The following HTR4 variants were observed in gnomAD, a reference collection of about 807,000 sequenced individuals.
HTR4 encodes 5-hydroxytryptamine (serotonin) receptor 4, G protein-coupled.
HTR4 carries 16 observed loss-of-function variants against 36.8 expected under a neutral mutation model. That is an observed-to-expected ratio of 0.43 (90% CI 0.29 to 0.66). HTR4 has a LOEUF of 0.66. HTR4 is among the 30% of genes least tolerant of loss of function. HTR4 has a pLI of 0.13. For missense variants in HTR4, 438 were observed against 490.9 expected, an observed-to-expected ratio of 0.89 and a Z score of 1.02; for synonymous variants, 189 against 185.1, an observed-to-expected ratio of 1.02 and a Z score of -0.17.
At chr5:148,530,189 G>A (rs186509232) in intron 4 of HTR4, among the ~76,000 whole-genome samples, 100 of 152,292 alleles carry the variant, frequency 6.6e-4, no homozygotes, top group African/African-American at 2.4e-3. Context: ...ATTCAAGCTG[G>A]CTGCAGAAAC....
intron 5 of HTR4, among the ~76,000 whole-genome samples, chr5:148,517,705 G>A (rs1757825052): frequency 6.6e-6 from 1 of 151,638 alleles, no homozygotes; most frequent in South Asian, 2.1e-4. Flanking sequence ...AATCTCGATT[G>A]TTATCACTGA....
intron 5 of HTR4, among the ~76,000 whole-genome samples, chr5:148,468,532 G>T (rs561149653): frequency 2.5e-4 from 38 of 152,282 alleles, no homozygotes; most frequent in African/African-American, 8.7e-4. Context: ...AGGTCTTCTT[G>T]TCCCCTTCCT....
rs543917816 is a variant in HTR4 at position 148,627,996 on chromosome 5, A to C, written c.26+8993T>G. Among the ~76,000 whole-genome samples the C allele has an allele frequency of 1.8e-4, 28 of 152,344 alleles. 1 individual carries two copies. The South Asian group carries it at 5.8e-3, about 32-fold the overall frequency. ...ACTGTACGCTGTGGCTATGAAAGGT[A>C]ATGTGATAGTTCAAGATGGCTTCCT... On this transcript the variant is annotated intron_variant, in intron 2 of 6. Coordinates refer to ENST00000377888, the MANE Select transcript of HTR4 (RefSeq NM_000870.7).
chr5:148,618,354 A>T (rs772050914), intron 2 of HTR4, among the ~76,000 whole-genome samples: 1 of 152,208 alleles, frequency 6.6e-6, no homozygotes, highest in African/African-American at 2.4e-5. Context: ...TGTGTGTTCC[A>T]TCTACTCTTT....
intron 2 of HTR4, among the ~76,000 whole-genome samples, chr5:148,594,276 G>A (rs776109990): frequency 1.6e-4 from 24 of 151,736 alleles, no homozygotes; most frequent in African/African-American, 3.1e-4. Flanking sequence ...TAGATAATAC[G>A]GTTAGAAATT....
intron 2 of HTR4, among the ~76,000 whole-genome samples, chr5:148,563,665 T>C (rs577344899): frequency 3.3e-5 from 5 of 152,240 alleles, no homozygotes; most frequent in African/African-American, 1.2e-4. Flanking sequence ...AAATAGTGCC[T>C]GTATTGAGCA....
chr5:148,504,683 C>A (rs953061511), intron 6 of HTR4, among the ~76,000 whole-genome samples: 2 of 151,904 alleles, frequency 1.3e-5, no homozygotes, highest in East Asian at 3.9e-4. Flanking sequence ...AAAAACCCTT[C>A]AAAAAATCAA....
intron 2 of HTR4, among the ~76,000 whole-genome samples, chr5:148,568,077 G>T (rs1760521782): frequency 6.6e-6 from 1 of 152,064 alleles, no homozygotes; most frequent in Non-Finnish European, 1.5e-5. Flanking sequence ...CCAAAGTCCT[G>T]CCTTCAGATA....
chr5:148,545,863 A>G (rs1478812874), intron 4 of HTR4, among the ~76,000 whole-genome samples: 1 of 152,246 alleles, frequency 6.6e-6, no homozygotes, highest in East Asian at 1.9e-4. Context: ...GCAAAGGAGC[A>G]ACAGTATTAG....
rs116359147 is a variant in HTR4, at chr5:148,569,356, G to A, written c.27-19094C>T. ...GAGCAACACAGACTGGAGCCTGTTT[G>A]GGGGACGGGGAGAAGGGGAGTATCA... On this transcript the variant is annotated intron_variant, in intron 2 of 6. Transcript: ENST00000377888. 6.9e-3 allele frequency among the ~76,000 whole-genome samples: 1,045 copies of A among 152,120 alleles called. 11 individuals carry two copies. The highest frequency in any genetic ancestry group is 0.024 in the African/African-American group (1,004 of 41,514).
At chr5:148,466,092 A>G (rs934172894) in intron 5 of HTR4, among the ~76,000 whole-genome samples, 1 of 152,176 alleles carries the variant, frequency 6.6e-6, no homozygotes, top group Non-Finnish European at 1.5e-5. Context: ...AGGGGAGCAT[A>G]ATTATTGCAC....
In HTR4 at chr5:148,654,360, G is replaced by A. The variant is rs1033623894; in HGVS notation, c.-346C>T. The A allele has an allele frequency of 4.1e-6, 4 of 985,312 alleles. 1 individual carries two copies. The highest frequency in any genetic ancestry group is 4.8e-6 in the Non-Finnish European group (4 of 829,944). The allele number at this position is 985,312 out of a possible 1,614,324, so 61.0% of individuals were successfully genotyped here. A position where few individuals can be genotyped will look rare whatever the true frequency, so the allele number is the denominator to read the frequency against. ...GGCTCAACAGCCCCCAGCCCCGGTG[G>A]TCCCCGCTGCCCTGCCCGCTGCCGC... On this transcript the variant is annotated 5_prime_UTR_variant, in exon 1 of 7. Transcript: ENST00000377888.
intron 5 of HTR4, among the ~76,000 whole-genome samples, chr5:148,460,064 C>T (rs1457913114): frequency 1.3e-5 from 2 of 151,370 alleles, no homozygotes; most frequent in Non-Finnish European, 2.9e-5. Flanking sequence ...AATCTGTGAG[C>T]TTTAGGATAT....
At position 148,504,919 on chromosome 5, in the gene HTR4, A is replaced by G. The variant is rs1757121152; in HGVS notation, c.1076+4537T>C. ...AAGAAATGGATAAATTCCTGGACAC[A>G]TACACCCTCCCAAGACTAAACCAGG... On this transcript the variant is annotated intron_variant, in intron 6 of 6. Transcript: ENST00000377888. Among the ~76,000 whole-genome samples the G allele has an allele frequency of 2.6e-5, 4 of 152,224 alleles. No individual in the cohort carries two copies. The South Asian group carries it at 8.3e-4, about 32-fold the overall frequency.
At chr5:148,498,036 C>T (rs1390020594) in intron 6 of HTR4, among the ~76,000 whole-genome samples, 2 of 152,204 alleles carry the variant, frequency 1.3e-5, no homozygotes, top group African/African-American at 4.8e-5. Context: ...TTGCAGACAT[C>T]TCTGCTACTG....
chr5:148,562,399 C>T (rs1270095199), intron 2 of HTR4, among the ~76,000 whole-genome samples: 18 of 152,172 alleles, frequency 1.2e-4, no homozygotes, highest in Admixed American at 1.2e-3. Context: ...TCATTCATTC[C>T]TCTGGATTCT....
Position 148,548,685 on chromosome 5 carries a change from G to A in HTR4, c.336C>T (p.Cys112=). Reference sequence around the variant, plus strand: ...GTCCTTACCTATCCAGAGAAATGCAGCACAGGTGAAAAATCGATGCCGTTG... The same window carrying A: ...GTCCTTACCTATCCAGAGAAATGCAACACAGGTGAAAAATCGATGCCGTTG... ...LLTTASIFHL[C]CISLDRYYAI... The change falls in exon 4 of 7, where the codon TGC becomes TGT. Residue 112 remains cysteine, a synonymous_variant. Coordinates refer to ENST00000377888, the MANE Select transcript of HTR4 (RefSeq NM_000870.7). 6.9e-6 allele frequency: 11 copies of A among 1,605,312 alleles called. No individual in the cohort carries two copies. Among genetic ancestry groups the A allele is most frequent in the Non-Finnish European group, 9.4e-6 (11 of 1,175,326 alleles).
At chr5:148,503,733 G>A (rs1757047276) in intron 6 of HTR4, among the ~76,000 whole-genome samples, 1 of 152,162 alleles carries the variant, frequency 6.6e-6, no homozygotes, top group African/African-American at 2.4e-5. Flanking sequence ...TCAGTGTGCG[G>A]TGTTCAGGAG....
At position 148,550,357 on chromosome 5, in the gene HTR4, T is replaced by C; in HGVS notation, c.27-95A>G. On this transcript the variant is annotated intron_variant, in intron 2 of 6. Transcript: ENST00000377888. ...CATCATTGACCTTCAGAAAGGTAAC[T>C]TCACCATCAGCTGATGACACATATA... is the stretch of plus-strand genomic sequence containing the variant. 5 of 1,407,638 alleles carry C rather than the reference T, an allele frequency of 3.6e-6. No individual in the cohort carries two copies. The South Asian group carries it at 6.1e-5, about 17-fold the overall frequency. The allele number at this position is 1,407,638 out of a possible 1,614,324, so 87.2% of individuals were successfully genotyped here.
Sources: gnomAD v4.1 joint callset for allele counts (sites outside exome capture counted in the v4.1 genomes callset) on GRCh38, gnomAD v4.1.1 for gene constraint, MANE v1.5 for transcripts, NCBI Gene and HGNC (gene_info 2026-07-23, HGNC 2026-07-21) for gene names.